Variants in AK8 observed in about 807,000 individuals in gnomAD.
AK8 encodes the protein adenylate kinase 8, also known as ATP-AMP transphosphorylase 8.
AK8 carries 44 observed loss-of-function variants against 54.6 expected under a neutral mutation model. The ratio of observed to expected loss-of-function variants is 0.81; its 90% confidence interval spans 0.63 to 1.04. AK8 has a LOEUF of 1.04. Among genes scored for constraint, AK8 ranks in the 50% least tolerant of loss-of-function variants. AK8 has a pLI of 0.00. For missense variants in AK8, 555 were observed against 613.6 expected, an observed-to-expected ratio of 0.90 and a Z score of 1.01; for synonymous variants, 239 against 245.6, an observed-to-expected ratio of 0.97 and a Z score of 0.25.
At chr9:132,839,999 G>T (rs1006753915) in intron 5 of AK8, among the ~76,000 whole-genome samples, 23 of 151,868 alleles carry the variant, frequency 1.5e-4, no homozygotes, top group African/African-American at 5.3e-4. Context: ...TGTGTTTTTA[G>T]TAGAGACAGG....
At chr9:132,751,790 G>A (rs1262690614) in intron 11 of AK8, among the ~76,000 whole-genome samples, 2 of 151,900 alleles carry the variant, frequency 1.3e-5, no homozygotes, top group African/African-American at 2.4e-5. Flanking sequence ...GGAAAGGGCT[G>A]TGATATAATG....
intron 5 of AK8, among the ~76,000 whole-genome samples, chr9:132,838,520 C>T (rs952693075): frequency 2.0e-5 from 3 of 152,328 alleles, no homozygotes; most frequent in South Asian, 2.1e-4. Context: ...CAGGGATCTG[C>T]GGACATGGTC....
chr9:132,866,561 T>A (rs975195850), intron 3 of AK8, among the ~76,000 whole-genome samples: 33 of 152,182 alleles, frequency 2.2e-4, no homozygotes, highest in African/African-American at 7.7e-4. Context: ...GAAATGCGTG[T>A]ACTGTTGGAC....
chr9:132,726,019 G>A, intron 12 of AK8, 94 bp from the exon 13 acceptor site: 6 of 1,092,612 alleles, frequency 5.5e-6, no homozygotes, highest in Non-Finnish European at 8.1e-6. Context: ...AATTTGGGGT[G>A]TCCTGGCCAC....
intron 4 of AK8, among the ~76,000 whole-genome samples, chr9:132,856,290 G>A (rs866784259): frequency 9.2e-5 from 14 of 152,304 alleles, no homozygotes; most frequent in Middle Eastern, 3.4e-3. Flanking sequence ...TTGGCATCAG[G>A]GCTCACCTCC....
chr9:132,730,602 T>C (rs1836796108), intron 11 of AK8, among the ~76,000 whole-genome samples: 2 of 152,102 alleles, frequency 1.3e-5, no homozygotes, highest in Admixed American at 6.5e-5. Context: ...CTATGCCCCT[T>C]GCCCAGAACT....
chr9:132,767,076 A>G (rs1228823715), intron 11 of AK8, among the ~76,000 whole-genome samples: 1 of 152,196 alleles, frequency 6.6e-6, no homozygotes, highest in Non-Finnish European at 1.5e-5. Context: ...CTGGGCAAAT[A>G]TTTTTTTGGT....
chr9:132,822,731 G>A (rs532688084), intron 9 of AK8, among the ~76,000 whole-genome samples: 12 of 152,224 alleles, frequency 7.9e-5, no homozygotes, highest in African/African-American at 2.6e-4. Flanking sequence ...GAAACTGTGC[G>A]GAGTGAGAAG....
At chr9:132,851,890 G>C (rs1353726675) in intron 5 of AK8, among the ~76,000 whole-genome samples, 3 of 152,186 alleles carry the variant, frequency 2.0e-5, no homozygotes, top group Non-Finnish European at 4.4e-5. Context: ...ACTTAGCGCA[G>C]GGAGAACCAG....
intron 5 of AK8, among the ~76,000 whole-genome samples, chr9:132,852,532 C>T (rs1437123507): frequency 6.6e-6 from 1 of 151,330 alleles, no homozygotes; most frequent in Admixed American, 6.6e-5. Context: ...ATAGCTTGAA[C>T]CTGGGAAGCG....
chr9:132,780,999 A>T (rs984398581), intron 11 of AK8, among the ~76,000 whole-genome samples: 1 of 152,128 alleles, frequency 6.6e-6, no homozygotes, highest in African/African-American at 2.4e-5. Context: ...ATACACGGCA[A>T]ACTTCCCAAC....
At chr9:132,827,607 A>T (rs995480111) in intron 7 of AK8, among the ~76,000 whole-genome samples, 23 of 151,984 alleles carry the variant, frequency 1.5e-4, no homozygotes, top group African/African-American at 5.3e-4. Context: ...CCCCTGCAAC[A>T]CCTGCCAATT....
chr9:132,776,863 C>T (rs1467932132), intron 11 of AK8, among the ~76,000 whole-genome samples: 1 of 152,196 alleles, frequency 6.6e-6, no homozygotes, highest in Non-Finnish European at 1.5e-5. Flanking sequence ...CCCCCACCAA[C>T]CACTTCCTTA....
intron 5 of AK8, among the ~76,000 whole-genome samples, chr9:132,850,590 G>A (rs554235164): frequency 6.6e-6 from 1 of 152,098 alleles, no homozygotes; most frequent in East Asian, 1.9e-4. Flanking sequence ...TAAAGACAGG[G>A]TTTTGCCATG....
At chr9:132,778,029 C>T (rs530964064) in intron 11 of AK8, among the ~76,000 whole-genome samples, 5 of 152,296 alleles carry the variant, frequency 3.3e-5, no homozygotes, top group Admixed American at 6.5e-5. Flanking sequence ...ACGGCCCATG[C>T]GACAAAATCA....
At chr9:132,874,103 G>C (rs181476199) in intron 2 of AK8, among the ~76,000 whole-genome samples, 1 of 152,188 alleles carries the variant, frequency 6.6e-6, no homozygotes, top group South Asian at 2.1e-4. Flanking sequence ...GGAATGTCTA[G>C]TGAATCAGCC....
At chr9:132,773,031 T>C (rs1839055125) in intron 11 of AK8, among the ~76,000 whole-genome samples, 1 of 152,216 alleles carries the variant, frequency 6.6e-6, no homozygotes, top group South Asian at 2.1e-4. Context: ...ATCTGTCATT[T>C]GCTCAAGCCC....
intron 5 of AK8, among the ~76,000 whole-genome samples, chr9:132,843,595 G>A (rs1048620153): frequency 2.0e-5 from 3 of 152,212 alleles, no homozygotes; most frequent in Admixed American, 2.0e-4. Context: ...GGTACTGAGT[G>A]GGTAGATGAG....
At chr9:132,856,528 G>C (rs1157462342) in intron 4 of AK8, among the ~76,000 whole-genome samples, 1 of 152,156 alleles carries the variant, frequency 6.6e-6, no homozygotes, top group Non-Finnish European at 1.5e-5. Flanking sequence ...CTGCCTGTAT[G>C]GTCTGGGTGC....
Sources: allele counts gnomAD v4.1 joint callset (sites outside exome capture counted in the v4.1 genomes callset), GRCh38; gene constraint gnomAD v4.1.1; transcripts MANE v1.5; gene names NCBI Gene and HGNC (gene_info 2026-07-23, HGNC 2026-07-21).